MTPN: variants seen among roughly 807,000 people sequenced by gnomAD.
The protein encoded by MTPN is granule cell differentiation protein.
In MTPN, 2 loss-of-function variants were observed where a neutral mutation model predicts 13.5. The observed-to-expected ratio is 0.15, with a 90% CI of 0.06 to 0.47. The LOEUF is 0.47. MTPN is among the 20% of genes least tolerant of loss of function. The pLI, the probability that MTPN is intolerant of heterozygous loss-of-function variation, is 0.97. For missense variants in MTPN, 79 were observed against 137.9 expected, an observed-to-expected ratio of 0.57 and a Z score of 2.14; for synonymous variants, 46 against 51.7, an observed-to-expected ratio of 0.89 and a Z score of 0.48.
In MTPN at chr7:135,928,246, G is replaced by GT. The variant is rs1473908505; in HGVS notation, c.*1679dup. On this transcript the variant is annotated 3_prime_UTR_variant, in exon 4 of 4. Coordinates refer to ENST00000393085, the MANE Select transcript of MTPN (RefSeq NM_145808.4). ...GGAAAATTACAGGGTTAGGCTAGTT[G>GT]TAAGTGAAAAAGCCACAGGATTAAA... 1 of 167,060 alleles carries GT rather than the reference G, an allele frequency of 6.0e-6. No individual in the cohort carries two copies. Among genetic ancestry groups the GT allele is most frequent in the African/African-American group, 2.4e-5 (1 of 41,360 alleles). 10.3% of individuals were successfully genotyped at this position (167,060 alleles called of 1,614,324 possible).
chr7:135,964,543 A>G (rs2116399245), intron 1 of MTPN, among the ~76,000 whole-genome samples: 1 of 152,226 alleles, frequency 6.6e-6, no homozygotes, highest in Middle Eastern at 3.4e-3. Context: ...ATTTCGCAGA[A>G]TCTACTTTCA....
At chr7:135,957,938 T>C (rs1799467808) in intron 1 of MTPN, among the ~76,000 whole-genome samples, 1 of 152,148 alleles carries the variant, frequency 6.6e-6, no homozygotes, top group Non-Finnish European at 1.5e-5. Flanking sequence ...AATCTTAAAC[T>C]TTCCTAGACA....
rs1487754038 is a variant in MTPN, at chr7:135,927,244, C to T, written c.*2682G>A. ...TGCAGCTTCCACACACTGCACCTAC[C>T]TACTACCTCTCTTCCATGCTTAACT... On this transcript the variant is annotated 3_prime_UTR_variant, in exon 4 of 4. Coordinates refer to ENST00000393085, the MANE Select transcript of MTPN (RefSeq NM_145808.4). 6.7e-7 allele frequency: 1 copy of T among 1,494,460 alleles called. No individual in the cohort carries two copies. The highest frequency in any genetic ancestry group is 1.4e-5 in the African/African-American group (1 of 71,376). 92.6% of individuals were successfully genotyped at this position (1,494,460 alleles called of 1,614,324 possible). A position where few individuals can be genotyped will look rare whatever the true frequency, so the allele number is the denominator to read the frequency against.
intron 1 of MTPN, among the ~76,000 whole-genome samples, chr7:135,959,111 AAAT>A (rs1252069913): frequency 5.3e-5 from 8 of 152,160 alleles, no homozygotes; most frequent in African/African-American, 1.9e-4. Flanking sequence ...TTTTCTATGA[AAAT>A]AATTGCTTTA....
chr7:135,976,814 C>T (rs1799781146), intron 1 of MTPN, among the ~76,000 whole-genome samples: 1 of 152,082 alleles, frequency 6.6e-6, no homozygotes, highest in South Asian at 2.1e-4. Context: ...TGTATTAACG[C>T]AGCAGTTACC....
chr7:135,953,905 T>C (rs1347922597), intron 1 of MTPN, among the ~76,000 whole-genome samples: 1 of 152,190 alleles, frequency 6.6e-6, no homozygotes, highest in African/African-American at 2.4e-5. Flanking sequence ...ATGTGATACA[T>C]GCATTACAAC....
chr7:135,951,716 T>C (rs1440086620), intron 1 of MTPN, 86 bp from the exon 2 acceptor site: 1 of 809,466 alleles, frequency 1.2e-6, no homozygotes, highest in Non-Finnish European at 1.9e-6. Flanking sequence ...TTTACTTTCT[T>C]AAAGCCGTGA....
chr7:135,931,808 C>T (rs961045240), intron 3 of MTPN, among the ~76,000 whole-genome samples: 12 of 151,610 alleles, frequency 7.9e-5, no homozygotes, highest in Admixed American at 7.9e-4. Context: ...ATCATTTGTC[C>T]CCTCTTGCTT....
chr7:135,959,344 A>G (rs1799489412), intron 1 of MTPN, among the ~76,000 whole-genome samples: 1 of 152,166 alleles, frequency 6.6e-6, no homozygotes, highest in Non-Finnish European at 1.5e-5. Context: ...TAATGTCCCT[A>G]AAATTGGTCA....
At chr7:135,966,377 G>T (rs1479343793) in intron 1 of MTPN, among the ~76,000 whole-genome samples, 2 of 152,074 alleles carry the variant, frequency 1.3e-5, no homozygotes, top group Admixed American at 1.3e-4. Flanking sequence ...CCTCATGATT[G>T]AGTGGCTGAC....
chr7:135,932,355 C>G (rs1355403305), intron 3 of MTPN: 1 of 152,010 alleles, frequency 6.6e-6, no homozygotes, highest in Non-Finnish European at 1.5e-5. Flanking sequence ...AACCTGGTGC[C>G]CAGCTTTTCC....
intron 1 of MTPN, among the ~76,000 whole-genome samples, chr7:135,954,640 CA>C (rs1347587359): frequency 6.6e-6 from 1 of 152,036 alleles, no homozygotes; most frequent in Non-Finnish European, 1.5e-5. Context: ...TTCTGTGAAC[CA>C]AAAATGTTAC....
chr7:135,953,388 C>T lies in MTPN; in HGVS notation c.73-1758G>A, dbSNP rs922159521. ...ATGTTTTCTTCTTTATATTTTCCTACAGTATGATGTGGGAGTTAAGAACAG... is the reference window on the plus strand; with the variant it reads ...ATGTTTTCTTCTTTATATTTTCCTATAGTATGATGTGGGAGTTAAGAACAG... On this transcript the variant is annotated intron_variant, in intron 1 of 3. Transcript: ENST00000393085. Among the ~76,000 whole-genome samples, 3 of 152,078 alleles carry T rather than the reference C, an allele frequency of 2.0e-5. No homozygotes were observed. In the East Asian group the frequency reaches 5.8e-4, roughly 29 times the overall value.
chr7:135,955,973 C>T (rs1444957009), intron 1 of MTPN, among the ~76,000 whole-genome samples: 1 of 152,192 alleles, frequency 6.6e-6, no homozygotes, highest in East Asian at 1.9e-4. Flanking sequence ...ATGCTTTCCT[C>T]CTAAGATCAG....
chr7:135,953,609 C>T (rs1013442892), intron 1 of MTPN, among the ~76,000 whole-genome samples: 5 of 152,128 alleles, frequency 3.3e-5, no homozygotes, highest in Non-Finnish European at 5.9e-5. Context: ...AATAGGTATA[C>T]TCAAATATGA....
chr7:135,941,609 GAC>G (rs1375284791), intron 3 of MTPN, among the ~76,000 whole-genome samples: 1 of 152,132 alleles, frequency 6.6e-6, no homozygotes, highest in Non-Finnish European at 1.5e-5. Flanking sequence ...TGAGCAATGA[GAC>G]ATTTTATGTT....
intron 3 of MTPN, chr7:135,932,088 ACTGTATTT>A (rs1799030720): frequency 6.6e-6 from 1 of 152,154 alleles, no homozygotes; most frequent in Admixed American, 6.5e-5. Context: ...ATTCATTGTA[ACTGTATTT>A]CTGTTCCCCT....
At chr7:135,970,244 A>G (rs963346304) in intron 1 of MTPN, among the ~76,000 whole-genome samples, 8 of 152,210 alleles carry the variant, frequency 5.3e-5, no homozygotes, top group Non-Finnish European at 7.4e-5. Context: ...TAAGCGGGAA[A>G]AACAGATGAG....
At chr7:135,949,790 G>T (rs1799336445) in intron 3 of MTPN, among the ~76,000 whole-genome samples, 1 of 152,046 alleles carries the variant, frequency 6.6e-6, no homozygotes, top group South Asian at 2.1e-4. Flanking sequence ...TATGTATCAG[G>T]CACTGTGGCA....
Sources: gnomAD v4.1 joint callset for allele counts (sites outside exome capture counted in the v4.1 genomes callset) on GRCh38, gnomAD v4.1.1 for gene constraint, MANE v1.5 for transcripts, NCBI Gene and HGNC (gene_info 2026-07-23, HGNC 2026-07-21) for gene names.